Variants in CD276 observed in about 807,000 individuals in gnomAD.
CD276 encodes CD276 antigen.
Under a neutral mutation model 50.0 loss-of-function variants are expected in CD276, and 34 were observed. The ratio of observed to expected loss-of-function variants is 0.68; its 90% confidence interval spans 0.52 to 0.91. CD276 has a LOEUF of 0.91. Among genes scored for constraint, CD276 ranks in the 40% least tolerant of loss-of-function variants. The pLI is 0.00. For synonymous variants in CD276, 275 were observed against 313.0 expected, an observed-to-expected ratio of 0.88 and a Z score of 1.28; for missense variants, 634 against 717.5, an observed-to-expected ratio of 0.88 and a Z score of 1.33.
At chr15:73,698,717 T>C (rs1325173443) in intron 1 of CD276, among the ~76,000 whole-genome samples, 3 of 152,118 alleles carry the variant, frequency 2.0e-5, no homozygotes, top group African/African-American at 7.2e-5. Flanking sequence ...CCCACCACCA[T>C]GCCCAGCTAA....
rs779923784 is a variant in CD276, at chr15:73,709,678, G to A, written c.1535G>A (p.Gly512Asp). ...GAGGACCAGGATGGGGAGGGAGAAGGCTCCAAGACAGGTGAGTCTGAACTT... is the reference window on the plus strand; with the variant it reads ...GAGGACCAGGATGGGGAGGGAGAAGACTCCAAGACAGGTGAGTCTGAACTT... ...GAEDQDGEGE[G>D]SKTALQPLKH... Residue 512 changes from glycine to aspartate, a missense_variant, in exon 8 of 10, where the codon GGC (glycine) becomes GAC (aspartate). Coordinates refer to ENST00000318443, the MANE Select transcript of CD276 (RefSeq NM_001024736.2). The A allele has an allele frequency of 6.8e-6, 11 of 1,612,732 alleles. No homozygotes were observed. The highest frequency in any genetic ancestry group is 1.1e-5 in the South Asian group (1 of 90,812).
In CD276 at chr15:73,704,102, G is replaced by A. The variant is rs1900542217; in HGVS notation, c.1073-74G>A. 5 of 1,568,064 alleles carry A rather than the reference G, an allele frequency of 3.2e-6. No individual in the cohort carries two copies. Among genetic ancestry groups the A allele is most frequent in the Admixed American group, 1.8e-5 (1 of 54,982 alleles). On this transcript the variant is annotated intron_variant, in intron 5 of 9. Transcript: ENST00000318443. This position sits in a 1 kb window ranked among gnomAD's most constrained non-coding sequence, Gnocchi z 4.1. ...TCCCAGAACCCCAGTGCTGATTCCT[G>A]TACTCAGCCCCATGCATCCTTTTCC...
chr15:73,704,609 C>A lies in CD276; in HGVS notation c.1369+137C>A. 1 of 1,170,270 alleles carries A rather than the reference C, an allele frequency of 8.5e-7. No individual in the cohort carries two copies. Among genetic ancestry groups the A allele is most frequent in the Non-Finnish European group, 1.2e-6 (1 of 843,548 alleles). 72.5% of individuals were successfully genotyped at this position (1,170,270 alleles called of 1,614,324 possible). On this transcript the variant is annotated intron_variant, in intron 6 of 9. Transcript: ENST00000318443. The surrounding 1 kb of genome is among the most constrained non-coding windows in gnomAD (Gnocchi z 4.1). ...TTCATAGACTTCAGGTGCTCACACTCTTCCCCACAAGTCCTTAAGGGACTC... is the reference window on the plus strand; with the variant it reads ...TTCATAGACTTCAGGTGCTCACACTATTCCCCACAAGTCCTTAAGGGACTC...
Position 73,703,029 on chromosome 15 carries a change from G to C in CD276, c.676G>C (p.Val226Leu). The change falls in exon 4 of 10, where the codon GTG becomes CTG. Residue 226 changes from valine to leucine, a missense_variant. Coordinates refer to ENST00000318443, the MANE Select transcript of CD276 (RefSeq NM_001024736.2). The stretch of plus-strand genomic sequence containing the variant: ...CTACAGCTGCCTGGTGCGCAACCCC[G>C]TGCTGCAGCAGGATGCGCACAGCTC... ...GTYSCLVRNP[V>L]LQQDAHSSVT... The C allele has an allele frequency of 2.5e-6, 4 of 1,613,708 alleles. No individual in the cohort carries two copies. The highest frequency in any genetic ancestry group is 1.1e-5 in the South Asian group (1 of 91,014).
chr15:73,687,188 G>A lies in CD276; in HGVS notation c.-55+2728G>A, dbSNP rs1899805371. ...CCCCCAGTTCTACCGCCCTTGCAGTGTGCCAGATAGGAGCATTGGGTTTTC... is the reference window on the plus strand; with the variant it reads ...CCCCCAGTTCTACCGCCCTTGCAGTATGCCAGATAGGAGCATTGGGTTTTC... On this transcript the variant is annotated intron_variant, in intron 1 of 9. Transcript: ENST00000318443. The surrounding 1 kb of genome is among the most constrained non-coding windows in gnomAD (Gnocchi z 4.0). Among the ~76,000 whole-genome samples, 1 of 152,186 alleles carries A rather than the reference G, an allele frequency of 6.6e-6. No individual in the cohort carries two copies. The highest frequency in any genetic ancestry group is 2.4e-5 in the African/African-American group (1 of 41,442).
rs531013270 is a variant in CD276 at position 73,696,099 on chromosome 15, A to G, written c.-54-3487A>G. On this transcript the variant is annotated intron_variant, in intron 1 of 9. Coordinates refer to ENST00000318443, the MANE Select transcript of CD276 (RefSeq NM_001024736.2). Reference sequence around the variant, plus strand: ...TGTACCTTAGGCTGAGGACAGCCTGACCCCTCTCTCCTGCTGCTCTGTGAA... The same window carrying G: ...TGTACCTTAGGCTGAGGACAGCCTGGCCCCTCTCTCCTGCTGCTCTGTGAA... Among the ~76,000 whole-genome samples the G allele has an allele frequency of 2.0e-5, 3 of 152,220 alleles. No individual in the cohort carries two copies. In the East Asian group the frequency reaches 5.8e-4, roughly 30 times the overall value.
At chr15:73,709,614 G>C in intron 7 of CD276, 34 bp from the exon 8 acceptor site, 2 of 1,611,698 alleles carry the variant, frequency 1.2e-6, no homozygotes, top group African/African-American at 2.7e-5. Context: ...GCTTGCAAAA[G>C]ATTTTTGTTT....
intron 1 of CD276, among the ~76,000 whole-genome samples, chr15:73,694,692 G>A (rs1336771943): frequency 1.3e-5 from 2 of 152,186 alleles, no homozygotes; most frequent in Non-Finnish European, 2.9e-5. Flanking sequence ...GGAGGGGAAA[G>A]GGAGGGGAGG....
At chr15:73,708,583 G>A in intron 7 of CD276, 110 bp downstream of exon 7, 1 of 1,327,414 alleles carries the variant, frequency 7.5e-7, no homozygotes, top group Non-Finnish European at 1.0e-6. Flanking sequence ...GAACGAGTGT[G>A]TGTGTGCAGA....
rs1899652482 is a variant in CD276, at chr15:73,684,408, G to A, written c.-107G>A. ...ATTCGGGCCGGGCCTCGCTGCGGCG[G>A]CGACTGAGCCAGGCTGGGCCGCGTC... On this transcript the variant is annotated 5_prime_UTR_variant, in exon 1 of 10. Transcript: ENST00000318443. 1 of 151,806 alleles carries A rather than the reference G, an allele frequency of 6.6e-6. No homozygotes were observed. Among genetic ancestry groups the A allele is most frequent in the South Asian group, 2.1e-4 (1 of 4,842 alleles). The allele number at this position is 151,806 out of a possible 1,614,324, so 9.4% of individuals were successfully genotyped here.
At chr15:73,706,445 C>T (rs935513291) in intron 6 of CD276, among the ~76,000 whole-genome samples, 2 of 149,362 alleles carry the variant, frequency 1.3e-5, no homozygotes, top group African/African-American at 2.4e-5. Context: ...GCAGTTTGCA[C>T]ATAACTCTGG....
chr15:73,697,311 A>G (rs1347324934), intron 1 of CD276, among the ~76,000 whole-genome samples: 2 of 144,300 alleles, frequency 1.4e-5, no homozygotes, highest in African/African-American at 5.1e-5. Flanking sequence ...CAGGATGCAC[A>G]TGGTTTGGCT....
At position 73,713,655 on chromosome 15, in the gene CD276, G is replaced by C. The variant is rs1444127016; in HGVS notation, c.*699G>C. The C allele has an allele frequency of 2.6e-6, 1 of 391,488 alleles. No individual in the cohort carries two copies. The highest frequency in any genetic ancestry group is 2.2e-5 in the African/African-American group (1 of 45,192). The allele number at this position is 391,488 out of a possible 1,614,324, so 24.3% of individuals were successfully genotyped here. On this transcript the variant is annotated 3_prime_UTR_variant, in exon 10 of 10. Coordinates refer to ENST00000318443, the MANE Select transcript of CD276 (RefSeq NM_001024736.2). The stretch of plus-strand genomic sequence containing the variant: ...TGGAGACCTGCAGGTGCACGTGCTG[G>C]AACACGTGTGGTTCCCCCCTGGCCC...
Position 73,704,902 on chromosome 15 carries a change from C to T in CD276, c.1369+430C>T, listed in dbSNP as rs1374624700. ...CAGCTGGCCCTCCCTAGTTAGTCCC[C>T]AACACCTGAGTCAACGTCAGCTCTT... On this transcript the variant is annotated intron_variant, in intron 6 of 9. Coordinates refer to ENST00000318443, the MANE Select transcript of CD276 (RefSeq NM_001024736.2). This position sits in a 1 kb window ranked among gnomAD's most constrained non-coding sequence, Gnocchi z 4.1. 6.6e-6 allele frequency among the ~76,000 whole-genome samples: 1 copy of T among 152,172 alleles called. No homozygotes were observed. Among genetic ancestry groups the T allele is most frequent in the Non-Finnish European group, 1.5e-5 (1 of 68,038 alleles).
chr15:73,709,988 G>A (rs967494601), intron 8 of CD276, among the ~76,000 whole-genome samples: 1 of 148,746 alleles, frequency 6.7e-6, no homozygotes, highest in Non-Finnish European at 1.5e-5. Flanking sequence ...CCTAGGGGTG[G>A]GAGCAGGGGC....
At chr15:73,694,527 T>C (rs958825428) in intron 1 of CD276, among the ~76,000 whole-genome samples, 2 of 152,102 alleles carry the variant, frequency 1.3e-5, no homozygotes, top group Admixed American at 1.3e-4. Context: ...GAAGAGATGT[T>C]TATTTCTCAC....
At chr15:73,690,290 T>C (rs963409185) in intron 1 of CD276, among the ~76,000 whole-genome samples, 1 of 152,216 alleles carries the variant, frequency 6.6e-6, no homozygotes, top group Non-Finnish European at 1.5e-5. Context: ...GGTTCTCATA[T>C]ATCATGAAGA....
Position 73,703,830 on chromosome 15 carries a change from A to AC in CD276, c.907dup (p.Gln303ProfsTer89). Reference sequence around the variant, plus strand: ...GTGCACAGTTTCACCGAAGGCCGGGACCAGGGCAGCGCCTATGCCAACCGC... The same window carrying AC: ...GTGCACAGTTTCACCGAAGGCCGGGACCCAGGGCAGCGCCTATGCCAACCGC... On this transcript the variant is annotated frameshift_variant, in exon 5 of 10. Coordinates refer to ENST00000318443, the MANE Select transcript of CD276 (RefSeq NM_001024736.2). LOFTEE classifies it high-confidence loss of function. 6.2e-7 allele frequency: 1 copy of AC among 1,613,644 alleles called. No homozygotes were observed.
chr15:73,706,160 G>C (rs1033028966), intron 6 of CD276, among the ~76,000 whole-genome samples: 18 of 152,212 alleles, frequency 1.2e-4, no homozygotes, highest in African/African-American at 4.3e-4. Flanking sequence ...TGGGGCAAGA[G>C]AATTGCTTGA....
Sources: allele counts gnomAD v4.1 joint callset (sites outside exome capture counted in the v4.1 genomes callset), GRCh38; gene constraint gnomAD v4.1.1; non-coding constraint Gnocchi (gnomAD v3.1); transcripts MANE v1.5; gene names NCBI Gene and HGNC (gene_info 2026-07-23, HGNC 2026-07-21).